The following KCNK9 variants were observed in gnomAD, a reference collection of about 807,000 sequenced individuals.
KCNK9 encodes potassium channel subfamily K member 9.
In KCNK9, 1 loss-of-function variant was observed where a neutral mutation model predicts 10.8. The observed-to-expected ratio is 0.09, with a 90% confidence interval of 0.03 to 0.44. The LOEUF is 0.44. Among genes scored for constraint, KCNK9 ranks in the 20% least tolerant of loss-of-function variants. The pLI is 0.97. For synonymous variants in KCNK9, 231 were observed against 222.7 expected (o/e 1.04, Z -0.33); for missense variants, 303 against 515.0 (o/e 0.59, Z 3.98).
intron 1 of KCNK9, among the ~76,000 whole-genome samples, chr8:139,629,655 G>A (rs1815098242): frequency 6.6e-6 from 1 of 152,148 alleles, no homozygotes; most frequent in South Asian, 2.1e-4. Flanking sequence ...CACAGTTCTG[G>A]AGCCTAGAAC....
At chr8:139,636,904 G>C (rs1815356579) in intron 1 of KCNK9, among the ~76,000 whole-genome samples, 1 of 152,198 alleles carries the variant, frequency 6.6e-6, no homozygotes, top group Admixed American at 6.5e-5. Flanking sequence ...GGTCACTCCT[G>C]TCTGGAAGCT....
At chr8:139,689,170 T>C (rs1816882368) in intron 1 of KCNK9, among the ~76,000 whole-genome samples, 1 of 152,178 alleles carries the variant, frequency 6.6e-6, no homozygotes, top group Non-Finnish European at 1.5e-5. Context: ...ACCTTGATCT[T>C]GGACTTCAGG....
intron 1 of KCNK9, among the ~76,000 whole-genome samples, chr8:139,672,571 C>A (rs1327575823): frequency 6.6e-6 from 1 of 152,336 alleles, no homozygotes; most frequent in South Asian, 2.1e-4. Flanking sequence ...ATACACAATT[C>A]CCATGGCAAC....
At chr8:139,695,915 C>T (rs1430267719) in intron 1 of KCNK9, among the ~76,000 whole-genome samples, 1 of 152,184 alleles carries the variant, frequency 6.6e-6, no homozygotes, top group Non-Finnish European at 1.5e-5. Flanking sequence ...CCTCTGGGGC[C>T]AGCTCCCTGG....
chr8:139,698,982 T>A (rs1356261752), intron 1 of KCNK9, among the ~76,000 whole-genome samples: 1 of 152,124 alleles, frequency 6.6e-6, no homozygotes, highest in African/African-American at 2.4e-5. Flanking sequence ...CACTCCTAGC[T>A]TCAGCTGGGC....
At chr8:139,636,586 C>T (rs1288308240) in intron 1 of KCNK9, among the ~76,000 whole-genome samples, 1 of 151,698 alleles carries the variant, frequency 6.6e-6, no homozygotes, top group African/African-American at 2.4e-5. Context: ...CAGAAGAAAA[C>T]TTTAGCCAAC....
intron 1 of KCNK9, among the ~76,000 whole-genome samples, chr8:139,686,601 A>G (rs1422071791): frequency 6.6e-6 from 1 of 152,236 alleles, no homozygotes; most frequent in East Asian, 1.9e-4. Context: ...TGTTGTTATC[A>G]TCCTCATTTC....
At chr8:139,652,132 C>T (rs2129677468) in intron 1 of KCNK9, among the ~76,000 whole-genome samples, 1 of 152,238 alleles carries the variant, frequency 6.6e-6, no homozygotes, top group Non-Finnish European at 1.5e-5. Flanking sequence ...CCTTTCAATG[C>T]TCCCAAGAGC....
At chr8:139,649,650 TC>T (rs1195003852) in intron 1 of KCNK9, among the ~76,000 whole-genome samples, 5 of 152,194 alleles carry the variant, frequency 3.3e-5, no homozygotes, top group African/African-American at 4.8e-5. Flanking sequence ...CTTCAATGGC[TC>T]CCCAGTACCT....
chr8:139,700,520 G>GCGCA (rs1817187042), intron 1 of KCNK9, among the ~76,000 whole-genome samples: 2 of 141,412 alleles, frequency 1.4e-5, no homozygotes, highest in South Asian at 2.2e-4. Flanking sequence ...GCGCGCGCGC[G>GCGCA]CACACACACA....
chr8:139,655,516 A>C (rs1325593897), intron 1 of KCNK9, among the ~76,000 whole-genome samples: 1 of 152,142 alleles, frequency 6.6e-6, no homozygotes, highest in Non-Finnish European at 1.5e-5. Context: ...AGGTGAAAGA[A>C]CACCAAGGGC....
At chr8:139,697,198 G>A (rs1817080943) in intron 1 of KCNK9, among the ~76,000 whole-genome samples, 1 of 143,926 alleles carries the variant, frequency 6.9e-6, no homozygotes, top group African/African-American at 2.6e-5. Flanking sequence ...TGGATGGGTG[G>A]ATGAGTGGGT....
chr8:139,631,553 T>C (rs1219930845), intron 1 of KCNK9, among the ~76,000 whole-genome samples: 1 of 152,206 alleles, frequency 6.6e-6, no homozygotes, highest in Non-Finnish European at 1.5e-5. Flanking sequence ...ACCTGCATTT[T>C]CCTGCTGGCC....
rs566835248 is a variant in KCNK9, at chr8:139,673,032, T to G, written c.283+29678A>C. On this transcript the variant is annotated intron_variant, in intron 1 of 1. Transcript: ENST00000520439. Reference sequence around the variant, plus strand: ...CCAGAGGCTCAACCCACCTACCACGTGCAGAACGGGATTCGGGCAAGGAGA... The same window carrying G: ...CCAGAGGCTCAACCCACCTACCACGGGCAGAACGGGATTCGGGCAAGGAGA... Among the ~76,000 whole-genome samples the G allele has an allele frequency of 1.4e-4, 21 of 152,284 alleles. No individual in the cohort carries two copies. In the East Asian group the frequency reaches 3.9e-3, roughly 28 times the overall value.
downstream of KCNK9, among the ~76,000 whole-genome samples, chr8:139,608,450 G>A (rs1379570566): frequency 1.3e-5 from 2 of 152,212 alleles, no homozygotes; most frequent in Non-Finnish European, 2.9e-5. Flanking sequence ...CTCTAGTGGG[G>A]CATTTGCCAG....
chr8:139,679,027 T>C (rs1563748539), intron 1 of KCNK9, among the ~76,000 whole-genome samples: 1 of 152,176 alleles, frequency 6.6e-6, no homozygotes, highest in Non-Finnish European at 1.5e-5. Flanking sequence ...TAGGGTTTGC[T>C]TTGTTTTTTT....
intron 1 of KCNK9, among the ~76,000 whole-genome samples, chr8:139,661,371 C>T (rs183944972): frequency 2.0e-5 from 3 of 152,204 alleles, no homozygotes; most frequent in Non-Finnish European, 4.4e-5. Context: ...CAGGCTCAGA[C>T]CCCCAGCACC....
chr8:139,651,021 G>T (rs980951074), intron 1 of KCNK9, among the ~76,000 whole-genome samples: 1 of 152,172 alleles, frequency 6.6e-6, no homozygotes, highest in Non-Finnish European at 1.5e-5. Context: ...GTACTGGGCT[G>T]CAGGTCAGGG....
chr8:139,624,318 C>A (rs923835632), intron 1 of KCNK9, among the ~76,000 whole-genome samples: 8 of 152,172 alleles, frequency 5.3e-5, no homozygotes, highest in African/African-American at 1.7e-4. Flanking sequence ...GCACTGACAG[C>A]CTGAAATTTG....
Sources: allele counts gnomAD v4.1 joint callset (sites outside exome capture counted in the v4.1 genomes callset), GRCh38; gene constraint gnomAD v4.1.1; transcripts MANE v1.5; gene names NCBI Gene and HGNC (gene_info 2026-07-23, HGNC 2026-07-21).